The following PPP2R5C variants were observed in gnomAD, a reference collection of about 807,000 sequenced individuals.
PPP2R5C encodes the protein protein phosphatase 2 regulatory subunit B'gamma, also known as serine/threonine-protein phosphatase 2A 56 kDa regulatory subunit gamma isoform.
PPP2R5C carries 7 observed loss-of-function variants against 68.9 expected under a neutral mutation model. The observed-to-expected ratio is 0.10, with a 90% CI of 0.06 to 0.19. PPP2R5C has a LOEUF of 0.19. Among genes scored for constraint, PPP2R5C ranks in the 10% least tolerant of loss-of-function variants. PPP2R5C has a pLI of 1.00. For missense variants in PPP2R5C, 348 were observed against 641.3 expected (o/e 0.54, Z 4.94); for synonymous variants, 210 against 222.2 (o/e 0.95, Z 0.49).
intron 2 of PPP2R5C, among the ~76,000 whole-genome samples, chr14:101,866,450 A>G (rs2043072875): frequency 6.6e-6 from 1 of 152,208 alleles, no homozygotes; most frequent in Non-Finnish European, 1.5e-5. Context: ...CATTTTATCG[A>G]TAGATTTTTA....
At chr14:101,823,820 A>T (rs1276047695) in intron 1 of PPP2R5C, 2 of 1,187,758 alleles carry the variant, frequency 1.7e-6, no homozygotes, top group African/African-American at 3.2e-5. Context: ...GGATCTATCT[A>T]CACGGTACTT....
chr14:101,916,846 G>C lies in PPP2R5C; in HGVS notation c.1327-985G>C, dbSNP rs1355379178. Among the ~76,000 whole-genome samples, 1 of 152,016 alleles carries C rather than the reference G, an allele frequency of 6.6e-6. No individual in the cohort carries two copies. The highest frequency in any genetic ancestry group is 1.5e-5 in the Non-Finnish European group (1 of 67,988). On this transcript the variant is annotated intron_variant, in intron 12 of 13. Transcript: ENST00000334743. This position sits in a 1 kb window ranked among gnomAD's most constrained non-coding sequence, Gnocchi z 5.5. Reference sequence around the variant, plus strand: ...GAGGGGTGTGGATGAGAGCAGCCTGGGCAGGAACCCCCGCTCCCCTCTCCT... The same window carrying C: ...GAGGGGTGTGGATGAGAGCAGCCTGCGCAGGAACCCCCGCTCCCCTCTCCT...
intron 13 of PPP2R5C, among the ~76,000 whole-genome samples, chr14:101,924,131 G>A (rs1741142): frequency 0.33 from 50,804 of 152,054 alleles, 12,667 homozygotes; most frequent in African/African-American, 0.71. Context: ...TTTTGTTTCA[G>A]AATATTGGTA....
At position 101,816,183 on chromosome 14, in the gene PPP2R5C, TACACAAG is replaced by T. The variant is rs201001794; in HGVS notation, c.94+6148_94+6154del. 5.7e-3 allele frequency among the ~76,000 whole-genome samples: 876 copies of T among 152,352 alleles called. 20 individuals carry two copies. The highest frequency in any genetic ancestry group is 0.045 in the Admixed American group (688 of 15,306). ...AGACTACCAAAAAGGTGACAGACTT[TACACAAG>T]GCGGCTGGTTGAAAGAGCGACACAG... On this transcript the variant is annotated intron_variant, in intron 1 of 13. Coordinates refer to ENST00000334743, the Ensembl canonical transcript of PPP2R5C.
chr14:101,816,645 TTTCTTA>T (rs1017094893), intron 1 of PPP2R5C, among the ~76,000 whole-genome samples: 1 of 151,798 alleles, frequency 6.6e-6, no homozygotes, highest in Non-Finnish European at 1.5e-5. Context: ...GTAAGGGACT[TTTCTTA>T]TTCTTAGGGA....
intron 2 of PPP2R5C, among the ~76,000 whole-genome samples, chr14:101,770,144 C>A (rs2037072917): frequency 1.3e-5 from 2 of 152,140 alleles, no homozygotes; most frequent in South Asian, 4.1e-4. Flanking sequence ...TCTGAAATGT[C>A]ATTATGTGGC....
intron 3 of PPP2R5C, among the ~76,000 whole-genome samples, chr14:101,800,087 A>T (rs2038792694): frequency 1.3e-5 from 2 of 151,782 alleles, no homozygotes; most frequent in African/African-American, 4.8e-5. Flanking sequence ...TGTCCCTACA[A>T]AAAATTTAAA....
chr14:101,898,107 C>A (rs2045466144), intron 8 of PPP2R5C, among the ~76,000 whole-genome samples: 1 of 152,118 alleles, frequency 6.6e-6, no homozygotes, highest in Non-Finnish European at 1.5e-5. Context: ...CTGCAGTGAG[C>A]TATGAACGCA....
chr14:101,781,979 C>A lies in PPP2R5C; in HGVS notation c.94-4039C>A, dbSNP rs891925050. Among the ~76,000 whole-genome samples, 12 of 151,494 alleles carry A rather than the reference C, an allele frequency of 7.9e-5. No homozygotes were observed. Among genetic ancestry groups the A allele is most frequent in the African/African-American group, 2.9e-4 (12 of 41,230 alleles). On this transcript the variant is annotated intron_variant, in intron 2 of 14. Coordinates refer to the PPP2R5C transcript ENST00000328724. This position sits in a 1 kb window ranked among gnomAD's most constrained non-coding sequence, Gnocchi z 6.4. ...TGCTCCCAAGGGAGCCCCTCGCCCTCTCTCTCTCCTTCCCTCATTCCCTTC... is the reference window on the plus strand; with the variant it reads ...TGCTCCCAAGGGAGCCCCTCGCCCTATCTCTCTCCTTCCCTCATTCCCTTC...
upstream of PPP2R5C, among the ~76,000 whole-genome samples, chr14:101,761,491 G>A (rs1257852970): frequency 6.7e-6 from 1 of 148,806 alleles, no homozygotes; most frequent in East Asian, 2.0e-4. Context: ...GGGTCGCGCG[G>A]AGAGGGTGGG....
intron 13 of PPP2R5C, among the ~76,000 whole-genome samples, chr14:101,919,993 C>A (rs7160802): frequency 0.038 from 4,408 of 116,406 alleles, 288 homozygotes; most frequent in African/African-American, 0.12. Flanking sequence ...AAAAAAAAAA[C>A]CAATTCTTAC....
chr14:101,814,392 G>A (rs77776377), intron 1 of PPP2R5C, among the ~76,000 whole-genome samples: 3,363 of 152,272 alleles, frequency 0.022, 33 homozygotes, highest in Non-Finnish European at 0.035. Flanking sequence ...TGGTGGTGTG[G>A]AAGGTAACCA....
At chr14:101,791,375 C>T (rs924475023) in intron 3 of PPP2R5C, among the ~76,000 whole-genome samples, 2 of 152,010 alleles carry the variant, frequency 1.3e-5, no homozygotes, top group African/African-American at 4.8e-5. Context: ...AGTTGGTTGT[C>T]TTCTTCTTGT....
At chr14:101,831,711 C>A in intron 1 of PPP2R5C, 1 of 696,166 alleles carries the variant, frequency 1.4e-6, no homozygotes, top group Non-Finnish European at 2.6e-6. Context: ...ATTGCAAATG[C>A]ACAAGATTCG....
intron 1 of PPP2R5C, among the ~76,000 whole-genome samples, chr14:101,815,917 G>A (rs565756674): frequency 4.5e-4 from 68 of 152,264 alleles, no homozygotes; most frequent in African/African-American, 1.6e-3. Context: ...TGATCCGCCC[G>A]CCTTGGCCTC....
intron 1 of PPP2R5C, 32 bp downstream of exon 1, chr14:101,761,952 A>G: frequency 8.4e-7 from 1 of 1,188,066 alleles, no homozygotes; most frequent in Middle Eastern, 3.5e-4. Context: ...GGACGGAGGG[A>G]GCAGGGAGGG....
At chr14:101,837,598 G>A (rs2041194254) in intron 1 of PPP2R5C, among the ~76,000 whole-genome samples, 3 of 152,202 alleles carry the variant, frequency 2.0e-5, no homozygotes, top group Non-Finnish European at 4.4e-5. Context: ...AGGCATCCCT[G>A]GGAGTCCCTT....
intron 1 of PPP2R5C, chr14:101,831,916 CA>C: frequency 1.8e-6 from 1 of 568,754 alleles, no homozygotes; most frequent in Non-Finnish European, 3.3e-6. Context: ...ATTTAAGCAG[CA>C]ATATTATGAT....
chr14:101,862,816 A>ATT lies in PPP2R5C; in HGVS notation c.294+5952_294+5953dup, dbSNP rs71116853. Reference sequence around the variant, plus strand: ...TGTCATTTACACTAAGACATGATGGATTTTTTTTTTTTTTTTTTTTTTAGA... The same window carrying ATT: ...TGTCATTTACACTAAGACATGATGGATTTTTTTTTTTTTTTTTTTTTTTTAGA... On this transcript the variant is annotated intron_variant, in intron 2 of 13. Transcript: ENST00000334743. 3.1e-3 allele frequency among the ~76,000 whole-genome samples: 391 copies of ATT among 127,214 alleles called. 2 individuals are homozygous for ATT. The highest frequency in any genetic ancestry group is 0.01 in the African/African-American group (355 of 34,054). The allele number at this position is 127,214 out of a possible 152,430, so 83.5% of individuals were successfully genotyped here.
Sources: allele counts gnomAD v4.1 joint callset (sites outside exome capture counted in the v4.1 genomes callset), GRCh38; gene constraint gnomAD v4.1.1; non-coding constraint Gnocchi (gnomAD v3.1); transcripts MANE v1.5; gene names NCBI Gene and HGNC (gene_info 2026-07-23, HGNC 2026-07-21).